LEPR: variants seen among roughly 807,000 people sequenced by gnomAD.
LEPR encodes OB receptor.
A neutral mutation model predicts 114.7 loss-of-function variants in LEPR; 56 were observed. The observed-to-expected ratio is 0.49, with a 90% CI of 0.39 to 0.61. The LOEUF is 0.61. LEPR is among the 20% of genes least tolerant of loss of function. The pLI is 0.00. For synonymous variants in LEPR, 443 were observed against 461.4 expected (o/e 0.96, Z 0.51); for missense variants, 1,202 against 1,352.9 (o/e 0.89, Z 1.75).
chr1:65,564,688 T>C (rs1397554863), intron 2 of LEPR, among the ~76,000 whole-genome samples: 1 of 152,178 alleles, frequency 6.6e-6, no homozygotes. Flanking sequence ...GTAGAGACCA[T>C]CTAACAGTCT....
rs1022910367 is a variant in LEPR at position 65,639,962 on chromosome 1, T to C, written c.*2947T>C. On this transcript the variant is annotated 3_prime_UTR_variant, in exon 20 of 20. Coordinates refer to ENST00000349533, the MANE Select transcript of LEPR (RefSeq NM_002303.6). ...GACAAGAAAAATAGGAGCAGTTTTTTTTTTCTTTTTAAACCTAGTCACCAA... is the reference window on the plus strand; with the variant it reads ...GACAAGAAAAATAGGAGCAGTTTTTCTTTTCTTTTTAAACCTAGTCACCAA... The C allele has an allele frequency of 2.0e-5, 3 of 152,250 alleles. No individual in the cohort carries two copies. The highest frequency in any genetic ancestry group is 2.0e-4 in the Admixed American group (3 of 15,308). The allele number at this position is 152,250 out of a possible 1,614,324, so 9.4% of individuals were successfully genotyped here.
At position 65,596,582 on chromosome 1, in the gene LEPR, G is replaced by A. The variant is rs745703588; in HGVS notation, c.838G>A (p.Val280Ile). 2.5e-6 allele frequency: 4 copies of A among 1,611,912 alleles called. No homozygotes were observed. The African/African-American group carries it at 4.0e-5, about 16-fold the overall frequency. ...QVKYSENSTTVIREADKIVSA... is the reference protein window; with the variant it reads ...QVKYSENSTTIIREADKIVSA... ...GAAATATTCAGAGAATTCTACAACA[G>A]TTATCAGAGAAGTAAGTATATTTTA... The change falls in exon 7 of 20, where the codon GTT (valine) becomes ATT (isoleucine). Residue 280 changes from valine (V) to isoleucine (I), a missense_variant. By Grantham distance (29) the Val-to-Ile change is conservative. Coordinates refer to ENST00000349533, the MANE Select transcript of LEPR (RefSeq NM_002303.6).
chr1:65,564,861 G>C (rs1386684958), intron 2 of LEPR, among the ~76,000 whole-genome samples: 3 of 152,118 alleles, frequency 2.0e-5, no homozygotes, highest in African/African-American at 7.2e-5. Context: ...CTACTATTTG[G>C]ATTTATGACA....
At chr1:65,557,846 CTA>C (rs1652935022) in intron 2 of LEPR, among the ~76,000 whole-genome samples, 1 of 152,172 alleles carries the variant, frequency 6.6e-6, no homozygotes, top group Non-Finnish European at 1.5e-5. Flanking sequence ...AAGGTTGTGT[CTA>C]TGTCCTTTTT....
intron 19 of LEPR, among the ~76,000 whole-genome samples, chr1:65,632,066 C>T (rs1432206963): frequency 6.6e-6 from 1 of 152,118 alleles, no homozygotes; most frequent in Non-Finnish European, 1.5e-5. Flanking sequence ...GGGGCTAAAG[C>T]TAGAAACAAA....
intron 2 of LEPR, among the ~76,000 whole-genome samples, chr1:65,538,612 G>T (rs1033384155): frequency 6.6e-6 from 1 of 152,104 alleles, no homozygotes; most frequent in Non-Finnish European, 1.5e-5. Flanking sequence ...AAACTGAAAA[G>T]AATTTTCTAT....
Position 65,616,037 on chromosome 1 carries a change from T to C in LEPR, c.2025T>C (p.Ser675=), listed in dbSNP as rs748293095. The C allele has an allele frequency of 1.2e-6, 2 of 1,614,022 alleles. No individual in the cohort carries two copies. Among genetic ancestry groups the C allele is most frequent in the Non-Finnish European group, 1.7e-6 (2 of 1,180,006 alleles). The stretch of plus-strand genomic sequence containing the variant: ...TGATGAAAAATGACTCATTGTGCAG[T>C]GTTCAGAGATATGTGATAAACCATC... ...KPLMKNDSLC[S]VQRYVINHHT... Residue 675 remains serine (S), a synonymous_variant, in exon 15 of 20, where the codon AGT becomes AGC. Transcript: ENST00000349533.
At chr1:65,482,739 G>A (rs1647279755) in intron 2 of LEPR, among the ~76,000 whole-genome samples, 1 of 152,148 alleles carries the variant, frequency 6.6e-6, no homozygotes, top group African/African-American at 2.4e-5. Context: ...TGTAATCCCA[G>A]CACTTTGGGA....
intron 2 of LEPR, among the ~76,000 whole-genome samples, chr1:65,499,281 C>T (rs184594043): frequency 8.6e-5 from 13 of 152,008 alleles, no homozygotes; most frequent in Non-Finnish European, 1.2e-4. Context: ...AGCGAGTTTC[C>T]CAAAGAGAAT....
In LEPR at chr1:65,636,494, T is replaced by C. The variant is rs781412143; in HGVS notation, c.2977T>C (p.Ser993Pro). The C allele has an allele frequency of 3.9e-5, 63 of 1,613,986 alleles. 1 individual carries two copies. Among genetic ancestry groups the C allele is most frequent in the Middle Eastern group, 1.6e-4 (1 of 6,084 alleles). The change falls in exon 20 of 20, where the codon TCT (serine) becomes CCT (proline). Residue 993 changes from serine to proline, a missense_variant. Physicochemically the swap from Ser to Pro is moderately conservative, Grantham distance 74. Coordinates refer to ENST00000349533, the MANE Select transcript of LEPR (RefSeq NM_002303.6). ...FVKYATLISN[S>P]KPSETGEEQG... ...TAAATACGCCACGCTGATCAGCAAC[T>C]CTAAACCAAGTGAAACTGGTGAAGA...
chr1:65,452,459 A>G (rs1386983260), intron 2 of LEPR, among the ~76,000 whole-genome samples: 4 of 151,830 alleles, frequency 2.6e-5, no homozygotes, highest in South Asian at 2.1e-4. Context: ...TCCCATCAAT[A>G]CCTAATTTAT....
chr1:65,529,074 A>G (rs1255837403), intron 2 of LEPR, among the ~76,000 whole-genome samples: 1 of 151,836 alleles, frequency 6.6e-6, no homozygotes, highest in African/African-American at 2.4e-5. Context: ...CGGCCTCCCA[A>G]AGTGCTGGGA....
intron 2 of LEPR, among the ~76,000 whole-genome samples, chr1:65,478,636 G>C (rs1247885322): frequency 1.3e-5 from 2 of 152,146 alleles, no homozygotes; most frequent in African/African-American, 4.8e-5. Context: ...TACTTAATCT[G>C]TTCAGCTCAC....
chr1:65,572,513 A>G, intron 5 of LEPR, 64 bp downstream of exon 5: 10 of 1,450,560 alleles, frequency 6.9e-6, no homozygotes, highest in South Asian at 2.4e-5. Context: ...GCTTTCATAT[A>G]CGGAAGTAGA....
intron 11 of LEPR, among the ~76,000 whole-genome samples, chr1:65,605,810 C>A (rs115722223): frequency 6.6e-6 from 1 of 152,042 alleles, no homozygotes; most frequent in Non-Finnish European, 1.5e-5. Flanking sequence ...ATATTCTTTC[C>A]GGTTCATTGT....
At chr1:65,446,810 A>G (rs1446387121) in intron 2 of LEPR, among the ~76,000 whole-genome samples, 1 of 152,164 alleles carries the variant, frequency 6.6e-6, no homozygotes, top group African/African-American at 2.4e-5. Flanking sequence ...TTGGAAGAGC[A>G]GAAGTTTAAA....
intron 5 of LEPR, among the ~76,000 whole-genome samples, chr1:65,586,989 T>C (rs1655357379): frequency 6.6e-6 from 1 of 150,684 alleles, no homozygotes; most frequent in Non-Finnish European, 1.5e-5. Flanking sequence ...GAGGAAACCA[T>C]AGAGTTAATC....
chr1:65,565,509 T>G, intron 2 of LEPR, 37 bp from the exon 3 acceptor site: 1 of 1,607,322 alleles, frequency 6.2e-7, no homozygotes, highest in Non-Finnish European at 8.5e-7. Context: ...TGTTTTTGTT[T>G]TTGTGTGTGT....
At chr1:65,468,523 G>A (rs965865906) in intron 2 of LEPR, among the ~76,000 whole-genome samples, 4 of 152,136 alleles carry the variant, frequency 2.6e-5, no homozygotes, top group African/African-American at 9.7e-5. Context: ...TTTTTGTTTT[G>A]TAACCTTGGA....
Sources: allele counts gnomAD v4.1 joint callset (sites outside exome capture counted in the v4.1 genomes callset), GRCh38; gene constraint gnomAD v4.1.1; transcripts MANE v1.5; gene names NCBI Gene and HGNC (gene_info 2026-07-23, HGNC 2026-07-21).